Variants in ACADM observed in about 807,000 individuals in gnomAD.
ACADM encodes the protein acyl-CoA dehydrogenase medium chain.
Under a neutral mutation model 58.9 loss-of-function variants are expected in ACADM, and 49 were observed. That is an observed-to-expected ratio of 0.83 (90% CI 0.66 to 1.06). The LOEUF (loss-of-function observed/expected upper bound fraction) is 1.06. Among genes scored for constraint, ACADM ranks in the 50% least tolerant of loss-of-function variants. The probability of loss-of-function intolerance (pLI) is 0.00; values close to 1 mark genes in which losing one functional copy is unlikely to be tolerated. For synonymous variants in ACADM, 160 were observed against 157.7 expected, an observed-to-expected ratio of 1.01 and a Z score of -0.11; for missense variants, 496 against 507.0, an observed-to-expected ratio of 0.98 and a Z score of 0.21.
intron 6 of ACADM, among the ~76,000 whole-genome samples, chr1:75,738,552 C>CTA (rs1043654735): frequency 6.6e-6 from 1 of 152,036 alleles, no homozygotes; most frequent in Non-Finnish European, 1.5e-5. Flanking sequence ...TCTAGTGCCC[C>CTA]TATATATGCT....
At chr1:75,753,805 T>TTTTTTTTTTTTC in intron 10 of ACADM, among the ~76,000 whole-genome samples, 1 of 137,432 alleles carries the variant, frequency 7.3e-6, no homozygotes, top group Admixed American at 7.1e-5. Flanking sequence ...CTTTTTTTTT[T>TTTTTTTTTTTTC]TTTTTTTTTG....
Position 75,751,750 on chromosome 1 carries a change from C to T in ACADM, c.945+1204C>T, listed in dbSNP as rs149464841. Among the ~76,000 whole-genome samples, 893 of 152,114 alleles carry T rather than the reference C, an allele frequency of 5.9e-3. 14 individuals carry two copies. The highest frequency in any genetic ancestry group is 0.02 in the African/African-American group (825 of 41,512). ...CTGGCCTCAAGTGATCTGCCTGCCT[C>T]GGCCTCCCAAAGTGCTAGGATTACA... On this transcript the variant is annotated intron_variant, in intron 10 of 11. Coordinates refer to ENST00000370841, the MANE Select transcript of ACADM (RefSeq NM_000016.6).
chr1:75,734,028 C>T (rs1289158394), intron 5 of ACADM, among the ~76,000 whole-genome samples: 1 of 152,160 alleles, frequency 6.6e-6, no homozygotes, highest in Admixed American at 6.6e-5. Flanking sequence ...CTCTGTCGCC[C>T]AGGCTGGAGT....
At position 75,744,108 on chromosome 1, in the gene ACADM, G is replaced by A. The variant is rs1254323302; in HGVS notation, c.600-1698G>A. The A allele has an allele frequency of 3.8e-6, 6 of 1,586,724 alleles. No homozygotes were observed. In the Admixed American group the frequency reaches 6.7e-5, roughly 18 times the overall value. On this transcript the variant is annotated intron_variant, in intron 7 of 11. Coordinates refer to ENST00000370841, the MANE Select transcript of ACADM (RefSeq NM_000016.6). ...TGCCGCATCCTGTTCATTTTCTCCT[G>A]ATGTTCTGAATGCAGACCTTTGCCA...
chr1:75,741,734 G>A (rs890312880), intron 7 of ACADM, among the ~76,000 whole-genome samples: 2 of 152,168 alleles, frequency 1.3e-5, no homozygotes, highest in African/African-American at 2.4e-5. Context: ...TAGAATGAGT[G>A]GTAATGTATT....
chr1:75,743,618 T>A, intron 7 of ACADM: 2 of 1,554,132 alleles, frequency 1.3e-6, no homozygotes, highest in South Asian at 2.2e-5. Context: ...GACAGGGGGG[T>A]TGATAATGGG....
At chr1:75,744,816 G>T in intron 7 of ACADM, 1 of 500,524 alleles carries the variant, frequency 2.0e-6, no homozygotes, top group Non-Finnish European at 3.7e-6. Flanking sequence ...CCTTTTCACA[G>T]GCAGCTCTAT....
chr1:75,760,583 A>G (rs1293232189), intron 10 of ACADM, among the ~76,000 whole-genome samples: 26 of 138,486 alleles, frequency 1.9e-4, no homozygotes, highest in Non-Finnish European at 2.8e-4. Context: ...AAAAAAAATC[A>G]GGCAAACTGA....
intron 7 of ACADM, chr1:75,744,052 CT>C: frequency 3.8e-6 from 6 of 1,585,808 alleles, no homozygotes; most frequent in Non-Finnish European, 5.2e-6. Context: ...CACATGTATT[CT>C]GGGCCTCCTT....
chr1:75,733,394 C>A, intron 4 of ACADM, 134 bp from the exon 5 acceptor site: 2 of 1,009,344 alleles, frequency 2.0e-6, no homozygotes, highest in South Asian at 1.5e-5. Context: ...AGCCAGAACA[C>A]ATGTAGATAT....
chr1:75,735,183 G>T (rs1647221482), intron 6 of ACADM, among the ~76,000 whole-genome samples: 1 of 151,972 alleles, frequency 6.6e-6, no homozygotes, highest in Non-Finnish European at 1.5e-5. Context: ...AGGCGTGATG[G>T]CGCCTGCCTA....
At chr1:75,730,526 C>T (rs1423765874) in intron 2 of ACADM, among the ~76,000 whole-genome samples, 1 of 150,192 alleles carries the variant, frequency 6.7e-6, no homozygotes, top group Non-Finnish European at 1.5e-5. Context: ...ATACATAATA[C>T]ATACTTGTCA....
chr1:75,728,593 A>T, intron 2 of ACADM, 105 bp downstream of exon 2: 2 of 805,778 alleles, frequency 2.5e-6, no homozygotes, highest in Non-Finnish European at 4.2e-6. Flanking sequence ...TCTTTCAATG[A>T]GTAGAACCAG....
chr1:75,745,925 T>C lies in ACADM; in HGVS notation c.708+11T>C. On this transcript the variant is annotated intron_variant, in intron 8 of 11. Transcript: ENST00000370841. Reference sequence around the variant, plus strand: ...CAGATTGGGAGAAAGGTAAAGTATTTATTAATGATTAGGGCCCCAAATATT... The same window carrying C: ...CAGATTGGGAGAAAGGTAAAGTATTCATTAATGATTAGGGCCCCAAATATT... 6.4e-7 allele frequency: 1 copy of C among 1,562,742 alleles called. No homozygotes were observed. Among genetic ancestry groups the C allele is most frequent in the Non-Finnish European group, 8.8e-7 (1 of 1,133,566 alleles).
chr1:75,759,016 C>T (rs1648672408), intron 10 of ACADM, among the ~76,000 whole-genome samples: 1 of 152,178 alleles, frequency 6.6e-6, no homozygotes, highest in Admixed American at 6.5e-5. Flanking sequence ...TAACACTTGC[C>T]ACGGAGGTCC....
intron 1 of ACADM, among the ~76,000 whole-genome samples, chr1:75,727,926 A>G (rs189360297): frequency 1.6e-4 from 25 of 152,184 alleles, no homozygotes; most frequent in Admixed American, 1.6e-3. Flanking sequence ...AAAAAATGAG[A>G]TCCTCTGAGG....
At chr1:75,756,105 A>G (rs191929469) in intron 10 of ACADM, among the ~76,000 whole-genome samples, 1 of 152,150 alleles carries the variant, frequency 6.6e-6, no homozygotes, top group East Asian at 1.9e-4. Context: ...CACAGCCAAT[A>G]TCATACTGAA....
In ACADM at chr1:75,742,633, G is replaced by T. The variant is rs1398821183; in HGVS notation, c.599+2523G>T. On this transcript the variant is annotated intron_variant, in intron 7 of 11. Coordinates refer to ENST00000370841, the MANE Select transcript of ACADM (RefSeq NM_000016.6). The stretch of plus-strand genomic sequence containing the variant: ...AGAATCTGCTCTAAGTAAGAACAAG[G>T]TGCTAGAATGAGGCCCAGCAACCAG... 7.9e-5 allele frequency among the ~76,000 whole-genome samples: 12 copies of T among 152,084 alleles called. No individual in the cohort carries two copies. In the South Asian group the frequency reaches 2.1e-3, roughly 26 times the overall value.
intron 2 of ACADM, among the ~76,000 whole-genome samples, chr1:75,730,512 AATAATAC>A (rs1326911189): frequency 2.6e-5 from 4 of 151,928 alleles, no homozygotes; most frequent in East Asian, 1.9e-4. Context: ...TTTCTCAATA[AATAATAC>A]ATAATACATA....
Sources: gnomAD v4.1 joint callset for allele counts (sites outside exome capture counted in the v4.1 genomes callset) on GRCh38, gnomAD v4.1.1 for gene constraint, MANE v1.5 for transcripts, NCBI Gene and HGNC (gene_info 2026-07-23, HGNC 2026-07-21) for gene names.